Variants in CFAP47 observed in about 807,000 individuals in gnomAD.
CFAP47 encodes the protein cilia and flagella associated protein 47.
Under a neutral mutation model 148.1 loss-of-function variants are expected in CFAP47, and 29 were observed. The ratio of observed to expected loss-of-function variants is 0.20; its 90% CI spans 0.15 to 0.27. CFAP47 has a LOEUF of 0.27. Ranked by LOEUF, CFAP47 falls within the 10% of genes least tolerant of loss-of-function variation. The pLI is 1.00. For missense variants in CFAP47, 1,872 were observed against 1,697.5 expected (o/e 1.10, Z -1.81); for synonymous variants, 664 against 577.3 (o/e 1.15, Z -2.15).
At chrX:36,256,057 G>A (rs1940747583) in intron 49 of CFAP47, among the ~76,000 whole-genome samples, 1 of 111,843 alleles carries the variant, frequency 8.9e-6, no homozygotes, top group South Asian at 3.7e-4. Flanking sequence ...TTTTGTAACT[G>A]TAAAATGACC....
intron 49 of CFAP47, among the ~76,000 whole-genome samples, chrX:36,255,071 A>C (rs6629059): frequency 0.14 from 15,354 of 111,548 alleles, 804 homozygotes; most frequent in East Asian, 0.26. Flanking sequence ...TCATGTTCCA[A>C]GTGTGCCTGT....
intron 49 of CFAP47, among the ~76,000 whole-genome samples, chrX:36,279,893 C>A (rs1173926607): frequency 1.8e-5 from 2 of 109,672 alleles, no homozygotes; most frequent in Non-Finnish European, 3.8e-5. Context: ...TTAGTAGAAA[C>A]AAGTTTCATC....
At chrX:36,103,313 A>G (rs1414143564) in intron 32 of CFAP47, among the ~76,000 whole-genome samples, 2 of 107,770 alleles carry the variant, frequency 1.9e-5, no homozygotes, top group Non-Finnish European at 3.8e-5. Flanking sequence ...CTGAAGCTCA[A>G]TGCCACTGGG....
chrX:35,976,536 TA>T lies in CFAP47; in HGVS notation c.2713+630del, dbSNP rs765319555. On this transcript the variant is annotated intron_variant, in intron 15 of 63. Coordinates refer to ENST00000378653, the MANE Select transcript of CFAP47 (RefSeq NM_001304548.2). ...TACTGATTTAAGTGTTAATTACGTC[TA>T]AAAAAACACTTTCACAACAACATCT... is the stretch of plus-strand genomic sequence containing the variant. Among the ~76,000 whole-genome samples, 46 of 111,684 alleles carry T rather than the reference TA, an allele frequency of 4.1e-4. No homozygotes were observed. In the Middle Eastern group the frequency reaches 0.014, roughly 34 times the overall value.
At chrX:36,238,543 G>A (rs1569296877) in intron 48 of CFAP47, among the ~76,000 whole-genome samples, 2 of 111,663 alleles carry the variant, frequency 1.8e-5, no homozygotes, top group African/African-American at 6.5e-5. Context: ...TTCCTCTGCT[G>A]TGACCTCTGT....
chrX:36,010,799 T>C (rs989077497), intron 21 of CFAP47, among the ~76,000 whole-genome samples: 1 of 112,106 alleles, frequency 8.9e-6, no homozygotes, highest in Non-Finnish European at 1.9e-5. Context: ...GTTGATATTC[T>C]CGTTTCGTGT....
At chrX:36,158,032 C>T (rs1264555579) in intron 37 of CFAP47, among the ~76,000 whole-genome samples, 1 of 111,537 alleles carries the variant, frequency 9.0e-6, no homozygotes, top group African/African-American at 3.3e-5. Flanking sequence ...GTAATTTTCC[C>T]TACAAAACTA....
chrX:36,086,542 A>G (rs1245870663), intron 30 of CFAP47, among the ~76,000 whole-genome samples: 1 of 112,218 alleles, frequency 8.9e-6, no homozygotes, highest in Non-Finnish European at 1.9e-5. Context: ...GGAGGGCAAG[A>G]AGAATACTCT....
chrX:36,194,938 T>C (rs1555987024), intron 42 of CFAP47, among the ~76,000 whole-genome samples: 1 of 112,240 alleles, frequency 8.9e-6, no homozygotes, highest in African/African-American at 3.2e-5. Context: ...ACAGAAACTT[T>C]GCATGAATTT....
At chrX:36,061,251 C>A (rs188369046) in intron 26 of CFAP47, among the ~76,000 whole-genome samples, 4 of 111,771 alleles carry the variant, frequency 3.6e-5, no homozygotes, top group African/African-American at 1.3e-4. Context: ...CCCAGGCATG[C>A]CCTCCTGTAC....
intron 57 of CFAP47, among the ~76,000 whole-genome samples, chrX:36,339,324 G>T (rs1556015376): frequency 9.0e-6 from 1 of 111,461 alleles, no homozygotes; most frequent in Non-Finnish European, 1.9e-5. Flanking sequence ...GTATAGTGCA[G>T]AGGAAGAGGA....
intron 39 of CFAP47, among the ~76,000 whole-genome samples, chrX:36,173,881 T>C (rs1008383322): frequency 9.0e-6 from 1 of 111,653 alleles, no homozygotes; most frequent in Non-Finnish European, 1.9e-5. Flanking sequence ...CATTGATCTG[T>C]TTAATGTTCA....
At chrX:36,037,021 A>G (rs759379135) in intron 24 of CFAP47, among the ~76,000 whole-genome samples, 8 of 112,050 alleles carry the variant, frequency 7.1e-5, no homozygotes, top group African/African-American at 2.6e-4. Flanking sequence ...GAAAATACCA[A>G]CTATTCTTTG....
intron 25 of CFAP47, among the ~76,000 whole-genome samples, chrX:36,042,473 A>G (rs1207554321): frequency 9.0e-6 from 1 of 111,365 alleles, no homozygotes; most frequent in African/African-American, 3.3e-5. Flanking sequence ...TTAAATACTT[A>G]AAATTCAATA....
chrX:35,921,672 A>G (rs888796243), intron 1 of CFAP47, among the ~76,000 whole-genome samples: 41 of 111,911 alleles, frequency 3.7e-4, no homozygotes, highest in African/African-American at 1.3e-3. Flanking sequence ...AGATATGCTT[A>G]GTAGTTAGAA....
intron 45 of CFAP47, among the ~76,000 whole-genome samples, chrX:36,219,439 G>T (rs1157717875): frequency 2.7e-5 from 3 of 111,233 alleles, no homozygotes; most frequent in African/African-American, 9.8e-5. Flanking sequence ...CAATGTTTCA[G>T]GTTTCCCTTG....
intron 46 of CFAP47, among the ~76,000 whole-genome samples, chrX:36,230,362 G>A (rs1416468171): frequency 9.2e-6 from 1 of 108,964 alleles, no homozygotes; most frequent in Non-Finnish European, 1.9e-5. Flanking sequence ...GATGGCCAGT[G>A]ATGATGAGCA....
intron 49 of CFAP47, among the ~76,000 whole-genome samples, chrX:36,253,236 C>T (rs1025229274): frequency 1.8e-5 from 2 of 111,775 alleles, no homozygotes; most frequent in East Asian, 5.6e-4. Flanking sequence ...CTATACAAAC[C>T]ATTTTACAGG....
At chrX:36,209,081 T>TA (rs1270945616) in intron 45 of CFAP47, among the ~76,000 whole-genome samples, 1 of 112,485 alleles carries the variant, frequency 8.9e-6, no homozygotes, top group African/African-American at 3.2e-5. Flanking sequence ...TCAAACAGGA[T>TA]AAAAAATAAA....
Sources: gnomAD v4.1 joint callset for allele counts (sites outside exome capture counted in the v4.1 genomes callset) on GRCh38, gnomAD v4.1.1 for gene constraint, MANE v1.5 for transcripts, NCBI Gene and HGNC (gene_info 2026-07-23, HGNC 2026-07-21) for gene names.